The following TSC2 variants were observed in gnomAD, a reference collection of about 807,000 sequenced individuals.
The protein encoded by TSC2 is tuberin.
Under a neutral mutation model 202.2 loss-of-function variants are expected in TSC2, and 29 were observed. The observed-to-expected ratio is 0.14, with a 90% CI of 0.11 to 0.20. The LOEUF (loss-of-function observed/expected upper bound fraction) is 0.20, where lower values mean the gene tolerates loss of function less well. TSC2 is among the 10% of genes least tolerant of loss of function. The probability of loss-of-function intolerance (pLI) is 1.00; values close to 1 mark genes in which losing one functional copy is unlikely to be tolerated. For missense variants in TSC2, 2,429 were observed against 2,420.0 expected (o/e 1.00, Z -0.08); for synonymous variants, 1,349 against 1,044.0 (o/e 1.29, Z -5.63).
Position 2,048,046 on chromosome 16 carries a change from G to A in TSC2, c.-49G>A. 2.8e-6 allele frequency: 4 copies of A among 1,424,828 alleles called. No individual in the cohort carries two copies. The highest frequency in any genetic ancestry group is 2.7e-6 in the Non-Finnish European group (3 of 1,096,920). The allele number at this position is 1,424,828 out of a possible 1,614,324, so 88.3% of individuals were successfully genotyped here. ...TTTCTCCGCGTCGGGGCGGCCCGGA[G>A]CGCGGTGGCGCGGCGCGGGGTAAGT... On this transcript the variant is annotated 5_prime_UTR_variant, in exon 1 of 42. Transcript: ENST00000219476.
chr16:2,064,656 C>T (rs2087074274), intron 15 of TSC2: 2 of 673,648 alleles, frequency 3.0e-6, no homozygotes, highest in South Asian at 1.9e-5. Context: ...CACTCTGGGA[C>T]AGCTGGGCTG....
At chr16:2,060,876 C>T in intron 11 of TSC2, 63 bp downstream of exon 11, 2 of 1,593,322 alleles carry the variant, frequency 1.3e-6, no homozygotes. Context: ...TCGGCCCACT[C>T]AGAAGATGGT....
chr16:2,076,691 G>C, intron 25 of TSC2, 106 bp downstream of exon 25: 1 of 1,160,932 alleles, frequency 8.6e-7, no homozygotes, highest in East Asian at 2.5e-5. Context: ...AATGGGTCCT[G>C]TGTGCCCTGG....
intron 7 of TSC2, 57 bp from the exon 8 acceptor site, chr16:2,056,586 CT>C: frequency 1.3e-6 from 2 of 1,595,558 alleles, no homozygotes; most frequent in Admixed American, 3.4e-5. Flanking sequence ...CCTGGGTGTC[CT>C]CTCCTGTGGG....
intron 21 of TSC2, among the ~76,000 whole-genome samples, chr16:2,073,920 A>G (rs2088867320): frequency 6.6e-6 from 1 of 152,262 alleles, no homozygotes; most frequent in South Asian, 2.1e-4. Context: ...TGCCCCTTGC[A>G]ACAGAGCCAG....
rs769834772 is a variant in TSC2, at chr16:2,085,246, G to A, written c.4586G>A (p.Arg1529Gln). 18 of 1,612,742 alleles carry A rather than the reference G, an allele frequency of 1.1e-5. No homozygotes were observed. Among genetic ancestry groups the A allele is most frequent in the South Asian group, 3.3e-5 (3 of 91,086 alleles). Residue 1529 changes from arginine to glutamine, a missense_variant, in exon 36 of 42, where the codon CGG becomes CAG. Arg to Gln is a conservative substitution (Grantham distance 43). Transcript: ENST00000219476. ...LLPNESQSFE[R>Q]SVQLLDQIPS... is the part of the protein sequence containing the mutation. ...GTGCCACAGTCACAGTCCTTTGAGC[G>A]GTCGGTGCAGCTCCTCGACCAGATC...
chr16:2,082,308 C>T lies in TSC2; in HGVS notation c.3815-128C>T, dbSNP rs576526825. On this transcript the variant is annotated intron_variant, in intron 31 of 41. Coordinates refer to ENST00000219476, the MANE Select transcript of TSC2 (RefSeq NM_000548.5). Reference sequence around the variant, plus strand: ...GCAGCTTGTAGCTAGCACTGGGCCCCGTGCGCGCCCCTGCCGGCCGCTGGC... The same window carrying T: ...GCAGCTTGTAGCTAGCACTGGGCCCTGTGCGCGCCCCTGCCGGCCGCTGGC... 7.0e-5 allele frequency: 74 copies of T among 1,060,836 alleles called. No individual in the cohort carries two copies. The Middle Eastern group carries it at 8.3e-4, about 12-fold the overall frequency. The allele number at this position is 1,060,836 out of a possible 1,614,324, so 65.7% of individuals were successfully genotyped here.
chr16:2,081,938 C>A, intron 31 of TSC2, 140 bp downstream of exon 31: 1 of 1,240,246 alleles, frequency 8.1e-7, no homozygotes, highest in Non-Finnish European at 1.1e-6. Context: ...CCATTGTTCT[C>A]CGGTGTTTGG....
chr16:2,062,169 G>A (rs886814516), intron 12 of TSC2, among the ~76,000 whole-genome samples, 161 bp downstream of exon 12: 7 of 152,236 alleles, frequency 4.6e-5, no homozygotes, highest in Non-Finnish European at 1.0e-4. Context: ...GGCACAGCAC[G>A]TGTTTGGTAA....
chr16:2,075,858 T>C lies in TSC2; in HGVS notation c.2605T>C (p.Phe869Leu), dbSNP rs781017398. ...NFAAEQYASV[F>L]AISLPYTNPS... ...TGCCGCGGAGCAGTATGCCAGTGTG[T>C]TCGCCATCTCCCTGCCGTACACCAA... is the stretch of plus-strand genomic sequence containing the variant. Residue 869 changes from phenylalanine (F) to leucine (L), a missense_variant, in exon 23 of 42, where the codon TTC (phenylalanine) becomes CTC (leucine). Physicochemically the swap from Phe to Leu is conservative, Grantham distance 22. Coordinates refer to ENST00000219476, the MANE Select transcript of TSC2 (RefSeq NM_000548.5). The C allele has an allele frequency of 1.2e-6, 2 of 1,613,154 alleles. No individual in the cohort carries two copies. The highest frequency in any genetic ancestry group is 2.2e-5 in the South Asian group (2 of 91,088).
At position 2,076,590 on chromosome 16, in the gene TSC2, G is replaced by T. The variant is rs786203791; in HGVS notation, c.2837+5G>T. 1.2e-6 allele frequency: 2 copies of T among 1,612,866 alleles called. No individual in the cohort carries two copies. The highest frequency in any genetic ancestry group is 1.3e-5 in the African/African-American group (1 of 74,904). ...TCTCAACGAGAGACCCAAGAGGTACGGCCTGCGGGGGTGTGCCTGGAGTCG... is the reference window on the plus strand; with the variant it reads ...TCTCAACGAGAGACCCAAGAGGTACTGCCTGCGGGGGTGTGCCTGGAGTCG... On this transcript the variant is annotated splice_donor_5th_base_variant and intron_variant, in intron 25 of 41. Coordinates refer to ENST00000219476, the MANE Select transcript of TSC2 (RefSeq NM_000548.5).
chr16:2,053,506 C>A, intron 4 of TSC2, 54 bp downstream of exon 4: 1 of 1,502,914 alleles, frequency 6.7e-7, no homozygotes, highest in Non-Finnish European at 9.0e-7. Flanking sequence ...CACTGACTGT[C>A]CTGTCCCTGC....
chr16:2,066,026 C>T (rs904415047), intron 16 of TSC2, among the ~76,000 whole-genome samples: 1 of 152,132 alleles, frequency 6.6e-6, no homozygotes, highest in Non-Finnish European at 1.5e-5. Context: ...TGCAATTTAC[C>T]CATTCACAGT....
At chr16:2,061,054 G>A (rs1360119407) in intron 11 of TSC2, 1 of 561,742 alleles carries the variant, frequency 1.8e-6, no homozygotes. Flanking sequence ...GCCGGGGCTG[G>A]GCCAGTGCTG....
chr16:2,053,703 A>G (rs1450852445), intron 4 of TSC2: 2 of 639,200 alleles, frequency 3.1e-6, no homozygotes, highest in Non-Finnish European at 5.8e-6. Flanking sequence ...TCTGGGGATC[A>G]TATGAGGCAG....
intron 16 of TSC2, among the ~76,000 whole-genome samples, chr16:2,069,840 C>G (rs1410032238): frequency 6.6e-6 from 1 of 151,850 alleles, no homozygotes; most frequent in East Asian, 1.9e-4. Context: ...GTCTTGAACT[C>G]CTAACTTCGT....
At chr16:2,087,498 G>T (rs2090980900) in intron 38 of TSC2, among the ~76,000 whole-genome samples, 1 of 143,266 alleles carries the variant, frequency 7.0e-6, no homozygotes, top group Non-Finnish European at 1.5e-5. Flanking sequence ...GGGGGGGGGG[G>T]CACCTGGGCG....
intron 3 of TSC2, 49 bp from the exon 4 acceptor site, chr16:2,053,293 G>C (rs372729459): frequency 5.2e-6 from 8 of 1,540,384 alleles, no homozygotes; most frequent in African/African-American, 1.4e-5. Flanking sequence ...GCCGGGGCCA[G>C]GGTTCTTGGA....
Position 2,048,679 on chromosome 16 carries a change from G to A in TSC2, c.64G>A (p.Gly22Arg), listed in dbSNP as rs1479698846. The change falls in exon 2 of 42, where the codon GGA becomes AGA. Residue 22 changes from glycine to arginine, a missense_variant. Physicochemically the swap from Gly to Arg is moderately radical, Grantham distance 125. Transcript: ENST00000219476. Reference sequence around the variant, plus strand: ...GAAGTTTAAGATTCTGTTGGGACTGGGAACACCGAGGCCAAATCCCAGGTC... The same window carrying A: ...GAAGTTTAAGATTCTGTTGGGACTGAGAACACCGAGGCCAAATCCCAGGTC... Reference protein sequence around the residue: ...KEKFKILLGLGTPRPNPRSAE... With the variant: ...KEKFKILLGLRTPRPNPRSAE... 2 of 1,613,986 alleles carry A rather than the reference G, an allele frequency of 1.2e-6. No homozygotes were observed. The highest frequency in any genetic ancestry group is 1.3e-5 in the African/African-American group (1 of 75,032).
Sources: allele counts gnomAD v4.1 joint callset (sites outside exome capture counted in the v4.1 genomes callset), GRCh38; gene constraint gnomAD v4.1.1; transcripts MANE v1.5; gene names NCBI Gene and HGNC (gene_info 2026-07-23, HGNC 2026-07-21).